The following INO80D variants were observed in gnomAD, a reference collection of about 807,000 sequenced individuals.
INO80D encodes the protein INO80 complex subunit D.
Under a neutral mutation model 87.6 loss-of-function variants are expected in INO80D, and 21 were observed. The ratio of observed to expected loss-of-function variants is 0.24; its 90% CI spans 0.17 to 0.35. The LOEUF (loss-of-function observed/expected upper bound fraction) is 0.35. Ranked by LOEUF, INO80D falls within the 10% of genes least tolerant of loss-of-function variation. INO80D has a pLI of 1.00. For missense variants in INO80D, 982 were observed against 1,280.7 expected, an observed-to-expected ratio of 0.77 and a Z score of 3.56; for synonymous variants, 440 against 491.0, an observed-to-expected ratio of 0.90 and a Z score of 1.37.
intron 5 of INO80D, among the ~76,000 whole-genome samples, chr2:206,032,167 C>G (rs1292600222): frequency 6.6e-6 from 1 of 152,164 alleles, no homozygotes; most frequent in Non-Finnish European, 1.5e-5. Flanking sequence ...ACAATTTGAA[C>G]CTGGCGAGAA....
At chr2:206,015,268 C>T (rs1488570866) in intron 8 of INO80D, among the ~76,000 whole-genome samples, 1 of 152,136 alleles carries the variant, frequency 6.6e-6, no homozygotes, top group African/African-American at 2.4e-5. Context: ...TGTTAATCCC[C>T]AAGACAATGG....
intron 5 of INO80D, chr2:206,040,790 A>G: frequency 4.2e-6 from 1 of 240,030 alleles, no homozygotes; most frequent in Non-Finnish European, 8.8e-6. Context: ...GTCAAGCTCA[A>G]AGAGAGATAC....
At chr2:206,011,057 A>C (rs1481786507) in intron 8 of INO80D, among the ~76,000 whole-genome samples, 1 of 149,706 alleles carries the variant, frequency 6.7e-6, no homozygotes, top group African/African-American at 2.4e-5. Flanking sequence ...CAGCCTGGGC[A>C]ACAAAAGCGA....
At chr2:206,069,443 G>A (rs1251318814) in intron 1 of INO80D, among the ~76,000 whole-genome samples, 1 of 152,022 alleles carries the variant, frequency 6.6e-6, no homozygotes, top group Non-Finnish European at 1.5e-5. Context: ...AACTTTCTTG[G>A]GTAGTCAAAA....
intron 8 of INO80D, among the ~76,000 whole-genome samples, chr2:206,017,038 G>A (rs1184075386): frequency 6.6e-6 from 1 of 152,154 alleles, no homozygotes; most frequent in Non-Finnish European, 1.5e-5. Context: ...CAAAAAGGCT[G>A]AATCCTTAGC....
chr2:206,004,643 C>G lies in INO80D; in HGVS notation c.2809G>C (p.Val937Leu), dbSNP rs777518928. 6.2e-7 allele frequency: 1 copy of G among 1,613,466 alleles called. No individual in the cohort carries two copies. The highest frequency in any genetic ancestry group is 2.2e-5 in the East Asian group (1 of 44,850). Residue 937 changes from valine to leucine, a missense_variant, in exon 11 of 11, where the codon GTG becomes CTG. Physicochemically the swap from Val to Leu is conservative, Grantham distance 32. Transcript: ENST00000403263. This position sits in a 1 kb window ranked among gnomAD's most constrained non-coding sequence, Gnocchi z 4.9. ...SETTQPAFAT[V>L]TPSSSSVLPG... is the part of the protein sequence containing the mutation. ...AGCACACTGGAGCTGCTGGGGGTCA[C>G]GGTGGCGAAGGCAGGCTGTGTGGTC...
intron 5 of INO80D, among the ~76,000 whole-genome samples, chr2:206,032,090 C>A (rs576438579): frequency 6.6e-6 from 1 of 152,248 alleles, no homozygotes; most frequent in Admixed American, 6.5e-5. Flanking sequence ...AGAGATCTTT[C>A]GGGAGGGCAG....
At chr2:206,068,643 C>G (rs1048180283) in intron 1 of INO80D, among the ~76,000 whole-genome samples, 3 of 152,088 alleles carry the variant, frequency 2.0e-5, no homozygotes, top group African/African-American at 7.2e-5. Flanking sequence ...AGATGCAACT[C>G]TTGTTGGGTT....
chr2:206,044,347 A>AT (rs1370566454), intron 5 of INO80D, among the ~76,000 whole-genome samples: 1 of 152,130 alleles, frequency 6.6e-6, no homozygotes, highest in Non-Finnish European at 1.5e-5. Flanking sequence ...TGACTGGAGC[A>AT]TAATAGCCCA....
chr2:206,021,612 T>G (rs1360751848), intron 6 of INO80D, among the ~76,000 whole-genome samples: 1 of 152,148 alleles, frequency 6.6e-6, no homozygotes, highest in African/African-American at 2.4e-5. Context: ...ATTAAAGGGA[T>G]ACTTCTCTTT....
chr2:206,059,151 T>C (rs1053984900), intron 3 of INO80D, among the ~76,000 whole-genome samples: 3 of 150,876 alleles, frequency 2.0e-5, no homozygotes, highest in African/African-American at 7.3e-5. Flanking sequence ...GAGGCCAAGG[T>C]GGGTGGATCA....
In INO80D at chr2:206,085,844, C is replaced by A. The variant is rs1357298527; in HGVS notation, c.-124+57G>T. The A allele has an allele frequency of 6.6e-6, 1 of 152,050 alleles. No individual in the cohort carries two copies. The highest frequency in any genetic ancestry group is 1.5e-5 in the Non-Finnish European group (1 of 68,100). The allele number at this position is 152,050 out of a possible 1,614,324, so 9.4% of individuals were successfully genotyped here. A position where few individuals can be genotyped will look rare whatever the true frequency, so the allele number is the denominator to read the frequency against. ...GCCCGCCCAGCCTGCGCGGCCCAGC[C>A]CGCCGCCCTACGGGAGCCCGGGGAT... is the stretch of plus-strand genomic sequence containing the variant. On this transcript the variant is annotated intron_variant, in intron 1 of 10. Coordinates refer to ENST00000403263, the MANE Select transcript of INO80D (RefSeq NM_017759.5). The surrounding 1 kb of genome is among the most constrained non-coding windows in gnomAD (Gnocchi z 4.5).
In INO80D at chr2:206,009,769, G is replaced by A; in HGVS notation, c.1568C>T (p.Ser523Phe). The A allele has an allele frequency of 6.2e-7, 1 of 1,612,778 alleles. No individual in the cohort carries two copies. The highest frequency in any genetic ancestry group is 8.5e-7 in the Non-Finnish European group (1 of 1,179,412). Reference protein sequence around the residue: ...KMDNFLRGDNSRKVQHQQQRK... With the variant: ...KMDNFLRGDNFRKVQHQQQRK... The stretch of plus-strand genomic sequence containing the variant: ...CTGCTGCTGGTGCTGAACTTTACGG[G>A]AGTTATCTCCTCTCAAGAAATTATC... Residue 523 changes from serine (S) to phenylalanine (F), a missense_variant, in exon 9 of 11, where the codon TCC becomes TTC. Physicochemically the swap from Ser to Phe is radical, Grantham distance 155. Coordinates refer to ENST00000403263, the MANE Select transcript of INO80D (RefSeq NM_017759.5).
At chr2:206,006,038 A>T (rs1220559370) in intron 10 of INO80D, among the ~76,000 whole-genome samples, 1 of 152,230 alleles carries the variant, frequency 6.6e-6, no homozygotes, top group South Asian at 2.1e-4. Flanking sequence ...TGAGCACAAC[A>T]CTAAGCTCTC....
At chr2:206,038,819 T>G (rs1290543907) in intron 5 of INO80D, among the ~76,000 whole-genome samples, 1 of 151,644 alleles carries the variant, frequency 6.6e-6, no homozygotes, top group Non-Finnish European at 1.5e-5. Context: ...AACAAACAAA[T>G]GAACTCAAAA....
chr2:206,031,253 C>T (rs1442193594), intron 5 of INO80D, among the ~76,000 whole-genome samples: 1 of 140,850 alleles, frequency 7.1e-6, no homozygotes, highest in Non-Finnish European at 1.5e-5. Flanking sequence ...GACTCCATCT[C>T]GAAAAAAAAG....
At chr2:206,012,867 C>CA (rs71035432) in intron 8 of INO80D, among the ~76,000 whole-genome samples, 5,982 of 85,532 alleles carry the variant, frequency 0.07, 251 homozygotes, top group African/African-American at 0.13. Context: ...AGACTTGTCT[C>CA]AAAAAAAAAA....
intron 5 of INO80D, among the ~76,000 whole-genome samples, chr2:206,038,996 A>G (rs1688963177): frequency 6.6e-6 from 1 of 152,234 alleles, no homozygotes; most frequent in Non-Finnish European, 1.5e-5. Flanking sequence ...TGAGTAGGTA[A>G]GCCACTTTGT....
chr2:206,040,674 T>G (rs10167273), intron 5 of INO80D: 2,767 of 228,472 alleles, frequency 0.012, 87 homozygotes, highest in African/African-American at 0.06. Context: ...ACAATCATCT[T>G]ACGCCTACAG....
Sources: allele counts gnomAD v4.1 joint callset (sites outside exome capture counted in the v4.1 genomes callset), GRCh38; gene constraint gnomAD v4.1.1; non-coding constraint Gnocchi (gnomAD v3.1); transcripts MANE v1.5; gene names NCBI Gene and HGNC (gene_info 2026-07-23, HGNC 2026-07-21).